The following SNTG1 variants were observed in gnomAD, a reference collection of about 807,000 sequenced individuals.
The protein encoded by SNTG1 is gamma-1-syntrophin.
A neutral mutation model predicts 74.7 loss-of-function variants in SNTG1; 39 were observed. That is an observed-to-expected ratio of 0.52 (90% CI 0.40 to 0.68). SNTG1 has a LOEUF of 0.68. Among genes scored for constraint, SNTG1 ranks in the 30% least tolerant of loss-of-function variants. SNTG1 has a pLI of 0.00. For synonymous variants in SNTG1, 254 were observed against 217.1 expected, an observed-to-expected ratio of 1.17 and a Z score of -1.49; for missense variants, 685 against 609.5, an observed-to-expected ratio of 1.12 and a Z score of -1.30.
At chr8:50,690,704 C>T (rs975796593) in intron 15 of SNTG1, among the ~76,000 whole-genome samples, 6 of 152,150 alleles carry the variant, frequency 3.9e-5, no homozygotes, top group Non-Finnish European at 8.8e-5. Context: ...TGGTGTGGTG[C>T]TGAAAAGAAT....
At chr8:50,695,999 G>A (rs1204162572) in intron 15 of SNTG1, among the ~76,000 whole-genome samples, 1 of 151,972 alleles carries the variant, frequency 6.6e-6, no homozygotes, top group Non-Finnish European at 1.5e-5. Context: ...GGAATTGCTA[G>A]ATTGAATAGT....
At position 50,500,420 on chromosome 8, in the gene SNTG1, G is replaced by T. The variant is rs2093941789; in HGVS notation, c.364-2358G>T. On this transcript the variant is annotated intron_variant, in intron 8 of 18. Coordinates refer to ENST00000642720, the MANE Select transcript of SNTG1 (RefSeq NM_018967.5). ...ATATTATAACATAACTTTTTTGGCT[G>T]AAATTTTATAATTTTTCACTTGAAT... is the stretch of plus-strand genomic sequence containing the variant. Among the ~76,000 whole-genome samples the T allele has an allele frequency of 2.6e-5, 4 of 151,830 alleles. No homozygotes were observed. The South Asian group carries it at 8.3e-4, about 32-fold the overall frequency.
intron 2 of SNTG1, among the ~76,000 whole-genome samples, chr8:50,249,930 A>G (rs1031750419): frequency 2.0e-5 from 3 of 152,106 alleles, no homozygotes; most frequent in Admixed American, 6.5e-5. Context: ...AAATATAACA[A>G]CCACAAAATA....
At chr8:49,995,957 T>C (rs1814171023) in intron 1 of SNTG1, among the ~76,000 whole-genome samples, 1 of 152,216 alleles carries the variant, frequency 6.6e-6, no homozygotes, top group African/African-American at 2.4e-5. Flanking sequence ...AATGAATCTA[T>C]AACTTCATGC....
chr8:50,709,009 T>A (rs376362017), intron 17 of SNTG1, 31 bp downstream of exon 17: 4 of 1,467,694 alleles, frequency 2.7e-6, no homozygotes, highest in South Asian at 2.3e-5. Flanking sequence ...CTGAGAAATA[T>A]GCTGCAAACA....
rs2080999699 is a variant in SNTG1 at position 50,121,614 on chromosome 8, A to C, written c.-102-50947A>C. Among the ~76,000 whole-genome samples, 3 of 142,684 alleles carry C rather than the reference A, an allele frequency of 2.1e-5. No individual in the cohort carries two copies. The Admixed American group carries it at 2.2e-4, about 10-fold the overall frequency. 93.6% of individuals were successfully genotyped at this position (142,684 alleles called of 152,430 possible). ...GTGCCAGTATTTTAGAATAATTAGA[A>C]ACTGAAACTAGTGACAGAGAAGGAG... On this transcript the variant is annotated intron_variant, in intron 1 of 18. Transcript: ENST00000642720.
chr8:50,376,756 T>TATATATATATATATATAGAGAGAG (rs1381048539), intron 2 of SNTG1, among the ~76,000 whole-genome samples: 12 of 89,950 alleles, frequency 1.3e-4, no homozygotes, highest in Non-Finnish European at 2.0e-4. Flanking sequence ...TATATATATA[T>TATATATATATATATATAGAGAGAG]AGAGAGAGAG....
Position 50,136,257 on chromosome 8 carries a change from G to C in SNTG1, c.-102-36304G>C, listed in dbSNP as rs564693383. On this transcript the variant is annotated intron_variant, in intron 1 of 18. Transcript: ENST00000642720. ...CTATGGTAGAGTAATTTATATTTTGGGGGGGAATATGCCCAGTATTGGAAT... is the reference window on the plus strand; with the variant it reads ...CTATGGTAGAGTAATTTATATTTTGCGGGGGAATATGCCCAGTATTGGAAT... Among the ~76,000 whole-genome samples, 165 of 152,146 alleles carry C rather than the reference G, an allele frequency of 1.1e-3. 3 individuals are homozygous for C. The South Asian group carries it at 0.033, about 31-fold the overall frequency.
intron 13 of SNTG1, among the ~76,000 whole-genome samples, chr8:50,595,020 ATGTGTGTGTGTGTGTG>A (rs57799690): frequency 2.7e-5 from 4 of 147,736 alleles, no homozygotes; most frequent in East Asian, 2.0e-4. Flanking sequence ...TTTATTGAAG[ATGTGTGTGTGTGTGTG>A]TGTGTGTGTG....
intron 17 of SNTG1, among the ~76,000 whole-genome samples, chr8:50,729,944 C>T (rs752899064): frequency 1.1e-4 from 17 of 152,062 alleles, no homozygotes; most frequent in South Asian, 2.1e-4. Context: ...GCAGGTACCC[C>T]GAGCAGCTGG....
intron 1 of SNTG1, among the ~76,000 whole-genome samples, chr8:50,048,926 T>C (rs1255959366): frequency 6.6e-6 from 1 of 152,094 alleles, no homozygotes; most frequent in Non-Finnish European, 1.5e-5. Context: ...TAACAGTATG[T>C]CATTTACGAT....
intron 18 of SNTG1, among the ~76,000 whole-genome samples, chr8:50,770,808 T>C (rs1180659904): frequency 6.6e-6 from 1 of 152,030 alleles, no homozygotes; most frequent in Admixed American, 6.6e-5. Context: ...AATTGGTTGT[T>C]AAAACAAGTC....
At chr8:50,021,669 C>G (rs1387260011) in intron 1 of SNTG1, among the ~76,000 whole-genome samples, 1 of 151,914 alleles carries the variant, frequency 6.6e-6, no homozygotes, top group Non-Finnish European at 1.5e-5. Context: ...GCATGGTGCC[C>G]CAAGCCCAAA....
At chr8:50,509,712 CT>C (rs2094047533) in intron 9 of SNTG1, among the ~76,000 whole-genome samples, 2 of 152,060 alleles carry the variant, frequency 1.3e-5, no homozygotes, top group African/African-American at 4.8e-5. Flanking sequence ...ATTTGGCTCT[CT>C]GTTTGTCTGT....
At chr8:50,701,618 C>CTTCTTCTTCTTATTCTTCTT (rs201341360) in intron 15 of SNTG1, among the ~76,000 whole-genome samples, 1 of 136,890 alleles carries the variant, frequency 7.3e-6, no homozygotes, top group South Asian at 2.4e-4. Flanking sequence ...TCTTCTTCTT[C>CTTCTTCTTCTTATTCTTCTT]GTGTTCCTCT....
At chr8:50,401,969 C>T (rs562537817) in intron 3 of SNTG1, among the ~76,000 whole-genome samples, 1 of 152,192 alleles carries the variant, frequency 6.6e-6, no homozygotes, top group African/African-American at 2.4e-5. Flanking sequence ...TCCTTACTCC[C>T]CACTTCTTTG....
chr8:50,410,220 T>G (rs2092929538), intron 4 of SNTG1, among the ~76,000 whole-genome samples: 1 of 152,168 alleles, frequency 6.6e-6, no homozygotes. Context: ...GCACCTATTA[T>G]GGATAGATTC....
intron 13 of SNTG1, among the ~76,000 whole-genome samples, chr8:50,634,463 C>T (rs749832012): frequency 6.6e-6 from 1 of 152,104 alleles, no homozygotes; most frequent in Non-Finnish European, 1.5e-5. Context: ...CTTGCTTTAT[C>T]TTATTAAGTC....
intron 2 of SNTG1, among the ~76,000 whole-genome samples, chr8:50,316,285 A>G (rs926026161): frequency 6.6e-6 from 1 of 152,154 alleles, no homozygotes; most frequent in African/African-American, 2.4e-5. Context: ...CAGTTTGATC[A>G]TGAAAGTTGG....
Sources: allele counts gnomAD v4.1 joint callset (sites outside exome capture counted in the v4.1 genomes callset), GRCh38; gene constraint gnomAD v4.1.1; transcripts MANE v1.5; gene names NCBI Gene and HGNC (gene_info 2026-07-23, HGNC 2026-07-21).